KLF15: variants seen among roughly 807,000 people sequenced by gnomAD.
KLF15 encodes the protein Krueppel-like factor 15.
KLF15 carries 4 observed loss-of-function variants against 24.6 expected under a neutral mutation model. The ratio of observed to expected loss-of-function variants is 0.16; its 90% CI spans 0.08 to 0.37. The LOEUF is 0.37. Ranked by LOEUF, KLF15 falls within the 10% of genes least tolerant of loss-of-function variation. KLF15 has a pLI of 1.00. For synonymous variants in KLF15, 246 were observed against 236.3 expected (o/e 1.04, Z -0.37); for missense variants, 496 against 560.6 (o/e 0.88, Z 1.16).
chr3:126,299,663 G>C, the KLF15 span, among the ~76,000 whole-genome samples: 1 of 148,636 alleles, frequency 6.7e-6, no homozygotes, highest in Non-Finnish European at 1.5e-5. Context: ...GCAGGAGAAT[G>C]GCATGAACCT....
At chr3:126,345,986 T>C (rs1169534026) in intron 2 of KLF15, among the ~76,000 whole-genome samples, 7 of 152,184 alleles carry the variant, frequency 4.6e-5, no homozygotes, top group Non-Finnish European at 4.4e-5. Flanking sequence ...ACAGGGCCCC[T>C]GAGGCTGGAG....
At chr3:126,337,724 C>G (rs1425126842), downstream of KLF15, among the ~76,000 whole-genome samples, 1 of 152,214 alleles carries the variant, frequency 6.6e-6, no homozygotes, top group Non-Finnish European at 1.5e-5. Context: ...AGCTGTTGCT[C>G]TCTGCCAGAT....
chr3:126,352,162 T>C lies in KLF15; in HGVS notation c.761A>G (p.Asn254Ser), dbSNP rs1367298802. 6.3e-7 allele frequency: 1 copy of C among 1,575,962 alleles called. No homozygotes were observed. The highest frequency in any genetic ancestry group is 8.6e-7 in the Non-Finnish European group (1 of 1,161,592). ...ENVKVAQLLVNIQGQTFALVP... is the reference protein window; with the variant it reads ...ENVKVAQLLVSIQGQTFALVP... ...GAGTGCGAAGGTCTGCCCCTGGATG[T>C]TGACCAGGAGCTGGGCAACCTTGAC... Residue 254 changes from asparagine (N) to serine (S), a missense_variant, in exon 2 of 3, where the codon AAC becomes AGC. Physicochemically the swap from Asn to Ser is conservative, Grantham distance 46 (BLOSUM62 1). This residue lies in a region of KLF15 where 399 missense variants were observed against 423.1 expected (regional missense o/e 0.94). Coordinates refer to ENST00000296233, the MANE Select transcript of KLF15 (RefSeq NM_014079.4).
At chr3:126,303,280 T>C in the KLF15 span, among the ~76,000 whole-genome samples, 1 of 152,132 alleles carries the variant, frequency 6.6e-6, no homozygotes, top group South Asian at 2.1e-4. Context: ...TTTCATCTAG[T>C]ATAATTTTCC....
intron 2 of KLF15, among the ~76,000 whole-genome samples, chr3:126,351,270 G>A (rs1022772038): frequency 1.3e-5 from 2 of 152,218 alleles, no homozygotes; most frequent in Admixed American, 6.5e-5. Context: ...AAGCATAGGC[G>A]AGGCCCAGCC....
the KLF15 span, among the ~76,000 whole-genome samples, chr3:126,300,921 G>T: frequency 6.6e-6 from 1 of 152,222 alleles, no homozygotes; most frequent in Non-Finnish European, 1.5e-5. Context: ...CTTGAGGGCA[G>T]GGAAGTGATC....
chr3:126,304,116 G>A, the KLF15 span, among the ~76,000 whole-genome samples: 1 of 152,156 alleles, frequency 6.6e-6, no homozygotes, highest in Non-Finnish European at 1.5e-5. Flanking sequence ...TATGCCTGAA[G>A]ATATTTTACT....
At chr3:126,296,823 T>C in the KLF15 span, among the ~76,000 whole-genome samples, 6 of 152,388 alleles carry the variant, frequency 3.9e-5, no homozygotes, top group Admixed American at 3.9e-4. Flanking sequence ...TTTGAGGGGA[T>C]ATTCATCTCC....
At chr3:126,318,414 T>C in the KLF15 span, among the ~76,000 whole-genome samples, 1 of 152,170 alleles carries the variant, frequency 6.6e-6, no homozygotes, top group Admixed American at 6.5e-5. Flanking sequence ...GTTTCTAGCT[T>C]CCTTTACATT....
At chr3:126,333,444 C>T in the KLF15 span, among the ~76,000 whole-genome samples, 1 of 149,178 alleles carries the variant, frequency 6.7e-6, no homozygotes, top group African/African-American at 2.5e-5. Flanking sequence ...AAAGGAACAA[C>T]CAGTACCAGC....
the KLF15 span, among the ~76,000 whole-genome samples, chr3:126,301,141 C>G: frequency 6.6e-6 from 1 of 152,216 alleles, no homozygotes; most frequent in Admixed American, 6.5e-5. Flanking sequence ...CTGCTCTCCA[C>G]ACTCCAGAAC....
chr3:126,299,731 G>C, the KLF15 span, among the ~76,000 whole-genome samples: 3 of 118,012 alleles, frequency 2.5e-5, no homozygotes, highest in African/African-American at 3.3e-5. Context: ...CCTGTCAACA[G>C]AGCGACACTC....
the KLF15 span, among the ~76,000 whole-genome samples, chr3:126,305,222 A>C: frequency 2.0e-5 from 3 of 152,336 alleles, no homozygotes; most frequent in Admixed American, 2.0e-4. Context: ...TTCTATAAGA[A>C]ATAAACTTAT....
At chr3:126,347,067 C>T (rs2107553066) in intron 2 of KLF15, among the ~76,000 whole-genome samples, 1 of 152,240 alleles carries the variant, frequency 6.6e-6, no homozygotes, top group Non-Finnish European at 1.5e-5. Context: ...CCTGGTGGGT[C>T]CTGCTGCAGA....
chr3:126,311,705 G>C, the KLF15 span, among the ~76,000 whole-genome samples: 1 of 152,234 alleles, frequency 6.6e-6, no homozygotes, highest in African/African-American at 2.4e-5. Flanking sequence ...GGGGAGGTCA[G>C]CCAGGTTCAA....
chr3:126,356,873 C>T lies in KLF15; in HGVS notation c.-26+364G>A, dbSNP rs1316984035. On this transcript the variant is annotated intron_variant, in intron 1 of 2. Transcript: ENST00000296233. This position sits in a 1 kb window ranked among gnomAD's most constrained non-coding sequence, Gnocchi z 4.4. ...TCTCCAGCCCCTCCGCCCCCCAACC[C>T]CGGGCTGGCCAGCGCGTCCGCTCTC... 2.6e-5 allele frequency among the ~76,000 whole-genome samples: 4 copies of T among 151,976 alleles called. No individual in the cohort carries two copies. The highest frequency in any genetic ancestry group is 9.7e-5 in the African/African-American group (4 of 41,404).
chr3:126,294,322 G>C, the KLF15 span, among the ~76,000 whole-genome samples: 2 of 152,134 alleles, frequency 1.3e-5, no homozygotes, highest in Admixed American at 6.5e-5. Context: ...TCAAAGAGAT[G>C]CTTTAAGGCT....
chr3:126,301,947 T>C, the KLF15 span, among the ~76,000 whole-genome samples: 1 of 145,128 alleles, frequency 6.9e-6, no homozygotes, highest in African/African-American at 2.8e-5. Context: ...GCTTTTTTTT[T>C]TCCTAGTTTC....
At chr3:126,347,673 C>A (rs1192337715) in intron 2 of KLF15, among the ~76,000 whole-genome samples, 3 of 152,212 alleles carry the variant, frequency 2.0e-5, no homozygotes, top group Admixed American at 1.3e-4. Context: ...GGAAGGCAGG[C>A]AAGCAGCACT....
Sources: allele counts gnomAD v4.1 joint callset (sites outside exome capture counted in the v4.1 genomes callset), GRCh38; gene constraint gnomAD v4.1.1; regional missense constraint gnomAD v4.1.1; non-coding constraint Gnocchi (gnomAD v3.1); transcripts MANE v1.5; gene names NCBI Gene and HGNC (gene_info 2026-07-23, HGNC 2026-07-21).